The following SPATA6L variants were observed in gnomAD, a reference collection of about 807,000 sequenced individuals.
SPATA6L encodes spermatogenesis associated 6 like.
SPATA6L carries 68 observed loss-of-function variants against 49.2 expected under a neutral mutation model. That is an observed-to-expected ratio of 1.38 (90% CI 1.14 to 1.69). The LOEUF (loss-of-function observed/expected upper bound fraction) is 1.69. SPATA6L is among the 40% of genes most tolerant of loss of function. The probability of loss-of-function intolerance (pLI) is 0.00; values close to 1 mark genes in which losing one functional copy is unlikely to be tolerated. For missense variants in SPATA6L, 668 were observed against 464.3 expected, an observed-to-expected ratio of 1.44 and a Z score of -4.03; for synonymous variants, 198 against 165.7, an observed-to-expected ratio of 1.19 and a Z score of -1.50.
intron 3 of SPATA6L, among the ~76,000 whole-genome samples, chr9:4,643,645 G>A (rs962150713): frequency 1.2e-4 from 19 of 152,084 alleles, no homozygotes; most frequent in Admixed American, 1.0e-3. Flanking sequence ...AAATACTATG[G>A]AAATACTATT....
At chr9:4,594,872 A>G (rs1441060099), downstream of SPATA6L, among the ~76,000 whole-genome samples, 2 of 152,194 alleles carry the variant, frequency 1.3e-5, no homozygotes, top group African/African-American at 4.8e-5. Context: ...ATTCAGAGGG[A>G]TTAAAAAAAT....
At chr9:4,605,619 G>A (rs1013130660) in intron 9 of SPATA6L, among the ~76,000 whole-genome samples, 179 bp from the exon 10 acceptor site, 7 of 152,148 alleles carry the variant, frequency 4.6e-5, no homozygotes, top group Admixed American at 4.6e-4. Flanking sequence ...GAAAAGCACT[G>A]GGGAATAAAA....
intron 4 of SPATA6L, chr9:4,633,844 C>A (rs187066694): frequency 3.9e-5 from 6 of 152,264 alleles, no homozygotes; most frequent in South Asian, 2.1e-4. Context: ...TTTTATTTTG[C>A]TTTATAGAAT....
intron 3 of SPATA6L, among the ~76,000 whole-genome samples, chr9:4,654,592 G>T (rs967331689): frequency 6.6e-6 from 1 of 152,228 alleles, no homozygotes; most frequent in African/African-American, 2.4e-5. Context: ...TCACACATGG[G>T]CTTGGAGAAT....
At chr9:4,647,509 T>C (rs192171357) in intron 3 of SPATA6L, among the ~76,000 whole-genome samples, 40 of 152,256 alleles carry the variant, frequency 2.6e-4, no homozygotes, top group Admixed American at 1.7e-3. Context: ...GCAGAATTGC[T>C]TGAACCTGGG....
At chr9:4,640,287 T>C (rs1243150508) in intron 3 of SPATA6L, among the ~76,000 whole-genome samples, 1 of 152,228 alleles carries the variant, frequency 6.6e-6, no homozygotes, top group Non-Finnish European at 1.5e-5. Context: ...GGGTCTTTAT[T>C]TCTTGGCAGC....
chr9:4,666,345 A>T lies in SPATA6L; in HGVS notation c.-95T>A. ...TTAGTTTAGCTGAATACCTAGAGCA[A>T]ATGTTCCCAGAAGCTTCCCCAGTCC... On this transcript the variant is annotated 5_prime_UTR_variant, in exon 1 of 12. The change creates a new upstream start codon in the 5' untranslated region. Coordinates refer to ENST00000682582, the MANE Select transcript of SPATA6L (RefSeq NM_001353486.2). The T allele has an allele frequency of 1.5e-6, 2 of 1,347,760 alleles. No individual in the cohort carries two copies. The highest frequency in any genetic ancestry group is 1.2e-5 in the South Asian group (1 of 82,772). 83.5% of individuals were successfully genotyped at this position (1,347,760 alleles called of 1,614,324 possible).
chr9:4,607,418 G>A (rs983733046), intron 9 of SPATA6L, among the ~76,000 whole-genome samples: 8 of 152,058 alleles, frequency 5.3e-5, no homozygotes, highest in South Asian at 2.1e-4. Context: ...CCCTCAAAGG[G>A]AAGCCCATCA....
intron 7 of SPATA6L, among the ~76,000 whole-genome samples, chr9:4,622,143 G>A (rs539495369): frequency 6.6e-6 from 1 of 152,308 alleles, no homozygotes; most frequent in East Asian, 1.9e-4. Flanking sequence ...CCCCGGAACA[G>A]CCAGGGGACA....
At chr9:4,643,984 G>C (rs1587367739) in intron 3 of SPATA6L, among the ~76,000 whole-genome samples, 1 of 151,476 alleles carries the variant, frequency 6.6e-6, no homozygotes, top group Admixed American at 6.6e-5. Flanking sequence ...TCCAGCCTGG[G>C]CAACAGAGCT....
chr9:4,626,472 G>A (rs1021329802), intron 5 of SPATA6L: 1 of 1,304,286 alleles, frequency 7.7e-7, no homozygotes, highest in African/African-American at 1.5e-5. Context: ...CTTCTCCAGA[G>A]GTCTGGGTCC....
At chr9:4,635,623 A>T (rs965990133) in intron 3 of SPATA6L, among the ~76,000 whole-genome samples, 1 of 152,206 alleles carries the variant, frequency 6.6e-6, no homozygotes, top group Non-Finnish European at 1.5e-5. Flanking sequence ...GACTAAAGAG[A>T]TGTTCTACAA....
chr9:4,594,843 C>A (rs997759373), downstream of SPATA6L, among the ~76,000 whole-genome samples: 6 of 152,082 alleles, frequency 3.9e-5, no homozygotes, highest in African/African-American at 1.4e-4. Flanking sequence ...AACCATAAGG[C>A]CTTCACGATA....
At chr9:4,645,754 A>G (rs2130674945) in intron 3 of SPATA6L, among the ~76,000 whole-genome samples, 1 of 152,296 alleles carries the variant, frequency 6.6e-6, no homozygotes, top group Middle Eastern at 3.4e-3. Context: ...AAGGCCACAT[A>G]TTGTAGGCTT....
At position 4,600,484 on chromosome 9, in the gene SPATA6L, A is replaced by T. The variant is rs1430181879; in HGVS notation, c.*327T>A. 2 of 19,214 alleles carry T rather than the reference A, an allele frequency of 1.0e-4. No homozygotes were observed. The highest frequency in any genetic ancestry group is 3.5e-4 in the Non-Finnish European group (2 of 5,728). 1.2% of individuals were successfully genotyped at this position (19,214 alleles called of 1,614,324 possible). ...TTGAGAGAGAGAGACAGAGAGAGCC[A>T]GAGAGAGCCAGAGAGAGAGAGAGGG... On this transcript the variant is annotated 3_prime_UTR_variant, in exon 12 of 12. Transcript: ENST00000682582.
chr9:4,604,126 G>T, intron 11 of SPATA6L, 53 bp downstream of exon 11: 1 of 1,246,374 alleles, frequency 8.0e-7, no homozygotes, highest in Non-Finnish European at 1.1e-6. Context: ...AATTCTTTTA[G>T]CAAACCAAGA....
intron 13 of SPATA6L, among the ~76,000 whole-genome samples, chr9:4,591,879 C>A (rs775205298): frequency 2.2e-4 from 33 of 152,212 alleles, no homozygotes; most frequent in Non-Finnish European, 1.5e-4. Flanking sequence ...GGCATCATTA[C>A]CTTTCCTAGA....
chr9:4,609,954 G>C (rs1200031318), intron 9 of SPATA6L, among the ~76,000 whole-genome samples: 1 of 151,876 alleles, frequency 6.6e-6, no homozygotes, highest in Non-Finnish European at 1.5e-5. Context: ...AAAGTCTCAG[G>C]ATACAAAATC....
Position 4,662,318 on chromosome 9 carries a change from G to C in SPATA6L, c.40-282C>G. ...TAGTGCGGAAGCGGAAGAGGCTGCA[G>C]GGCCGGGAAGCCTCTGTTTGGTCCG... On this transcript the variant is annotated intron_variant, in intron 1 of 11. Coordinates refer to ENST00000682582, the MANE Select transcript of SPATA6L (RefSeq NM_001353486.2). The surrounding 1 kb of genome is among the most constrained non-coding windows in gnomAD (Gnocchi z 4.9). 6.9e-7 allele frequency: 1 copy of C among 1,443,228 alleles called. No homozygotes were observed. The highest frequency in any genetic ancestry group is 9.1e-7 in the Non-Finnish European group (1 of 1,104,098). The allele number at this position is 1,443,228 out of a possible 1,614,324, so 89.4% of individuals were successfully genotyped here.
Sources: allele counts gnomAD v4.1 joint callset (sites outside exome capture counted in the v4.1 genomes callset), GRCh38; gene constraint gnomAD v4.1.1; non-coding constraint Gnocchi (gnomAD v3.1); transcripts MANE v1.5; gene names NCBI Gene and HGNC (gene_info 2026-07-23, HGNC 2026-07-21).